The following KIF1B variants were observed in gnomAD, a reference collection of about 807,000 sequenced individuals.
KIF1B encodes the protein kinesin family member 1B, also known as kinesin-like protein KIF1B.
A neutral mutation model predicts 241.9 loss-of-function variants in KIF1B; 76 were observed. The observed-to-expected ratio is 0.31, with a 90% CI of 0.26 to 0.38. The LOEUF (loss-of-function observed/expected upper bound fraction) is 0.38, where lower values mean the gene tolerates loss of function less well. Ranked by LOEUF, KIF1B falls within the 10% of genes least tolerant of loss-of-function variation. The pLI, the probability that KIF1B is intolerant of heterozygous loss-of-function variation, is 1.00. For missense variants in KIF1B, 1,622 were observed against 2,271.4 expected (o/e 0.71, Z 5.81); for synonymous variants, 750 against 796.7 (o/e 0.94, Z 0.99).
chr1:10,367,401 T>G (rs34636442), intron 43 of KIF1B, among the ~76,000 whole-genome samples: 54,249 of 151,608 alleles, frequency 0.36, 9,843 homozygotes, highest in Admixed American at 0.39. Context: ...CAGATAAAAG[T>G]TTTTTAAAGA....
chr1:10,243,385 C>G (rs1185538010), intron 2 of KIF1B, among the ~76,000 whole-genome samples: 1 of 152,218 alleles, frequency 6.6e-6, no homozygotes, highest in Non-Finnish European at 1.5e-5. Context: ...TGCCACTGCA[C>G]TCCAGCCTGG....
At chr1:10,305,236 A>G (rs186304832) in intron 22 of KIF1B, 45 of 1,043,758 alleles carry the variant, frequency 4.3e-5, no homozygotes, top group South Asian at 3.7e-4. Flanking sequence ...TGCATCTTCC[A>G]CACAACTTCC....
At chr1:10,351,627 A>T (rs936452511) in intron 37 of KIF1B, among the ~76,000 whole-genome samples, 1 of 152,164 alleles carries the variant, frequency 6.6e-6, no homozygotes, top group Non-Finnish European at 1.5e-5. Context: ...CGCTAGTGTT[A>T]ACTTGAAAAC....
At chr1:10,369,494 A>C (rs1004200398) in intron 44 of KIF1B, among the ~76,000 whole-genome samples, 24 of 152,310 alleles carry the variant, frequency 1.6e-4, no homozygotes, top group African/African-American at 5.5e-4. Context: ...AAATTAGCCA[A>C]ATGTGGTGGT....
In KIF1B at chr1:10,336,702, G is replaced by T. The variant is rs1412464581; in HGVS notation, c.3089G>T (p.Gly1030Val). 6.2e-7 allele frequency: 1 copy of T among 1,613,916 alleles called. No homozygotes were observed. Among genetic ancestry groups the T allele is most frequent in the African/African-American group, 1.3e-5 (1 of 74,880 alleles). The stretch of plus-strand genomic sequence containing the variant: ...TATGGCTCTGGAATTCGACAGTCAG[G>T]AACAGCTAAAATATCTTTTGATAAT... ...PDYGSGIRQS[G>V]TAKISFDNEY... Residue 1030 changes from glycine (G) to valine (V), a missense_variant, in exon 29 of 49, where the codon GGA becomes GTA. Around this residue, in one of 7 missense-constraint regions of KIF1B, gnomAD observed 803 missense variants for 1,112.0 expected, o/e 0.72. Coordinates refer to ENST00000676179, the MANE Select transcript of KIF1B (RefSeq NM_001365951.3).
intron 14 of KIF1B, among the ~76,000 whole-genome samples, chr1:10,279,846 G>A (rs760251104): frequency 2.4e-4 from 36 of 151,762 alleles, no homozygotes; most frequent in Admixed American, 8.5e-4. Flanking sequence ...ACAGTTGTTC[G>A]CTGCCACACC....
intron 2 of KIF1B, among the ~76,000 whole-genome samples, chr1:10,251,631 G>C (rs182161766): frequency 1.3e-5 from 2 of 151,900 alleles, no homozygotes; most frequent in African/African-American, 4.8e-5. Flanking sequence ...ATACGTGGCA[G>C]GCTGAGGCAG....
chr1:10,370,833 C>T (rs183486504), intron 44 of KIF1B, among the ~76,000 whole-genome samples: 1 of 151,842 alleles, frequency 6.6e-6, no homozygotes, highest in East Asian at 1.9e-4. Flanking sequence ...TGGTGGTACA[C>T]GCTTGTAGTC....
chr1:10,234,738 G>T (rs1156438965), intron 2 of KIF1B, among the ~76,000 whole-genome samples: 1 of 151,354 alleles, frequency 6.6e-6, no homozygotes, highest in Non-Finnish European at 1.5e-5. Flanking sequence ...TGTGTAGGCT[G>T]GTCTTGTATT....
In KIF1B at chr1:10,264,907, C is replaced by T. The variant is rs1477048834; in HGVS notation, c.430-2473C>T. ...CGAACTCCTGACCTCATGATCCACC[C>T]GCCTTGGCCTCCCAAAGGGCTGGGA... On this transcript the variant is annotated intron_variant, in intron 5 of 48. Transcript: ENST00000676179. 4.6e-5 allele frequency among the ~76,000 whole-genome samples: 7 copies of T among 152,296 alleles called. No individual in the cohort carries two copies. In the East Asian group the frequency reaches 9.6e-4, roughly 21 times the overall value.
intron 7 of KIF1B, among the ~76,000 whole-genome samples, chr1:10,270,695 C>T (rs1339075458): frequency 2.0e-5 from 3 of 151,924 alleles, no homozygotes; most frequent in South Asian, 2.1e-4. Flanking sequence ...GAGGCTGAGG[C>T]GGGTGGATCA....
At chr1:10,316,387 A>C (rs1426205462) in intron 22 of KIF1B, among the ~76,000 whole-genome samples, 1 of 151,640 alleles carries the variant, frequency 6.6e-6, no homozygotes, top group Non-Finnish European at 1.5e-5. Context: ...CTGCATTGTA[A>C]ATATATCATT....
chr1:10,339,656 A>G, intron 31 of KIF1B, 113 bp from the exon 32 acceptor site: 2 of 854,688 alleles, frequency 2.3e-6, no homozygotes, highest in Non-Finnish European at 3.8e-6. Context: ...AACTTAAAGA[A>G]TCTGCTTAAG....
intron 15 of KIF1B, among the ~76,000 whole-genome samples, chr1:10,284,183 G>C (rs1197471920): frequency 6.6e-6 from 1 of 152,054 alleles, no homozygotes; most frequent in Admixed American, 6.5e-5. Context: ...AGGCTGCAGT[G>C]AGCTGTGATT....
Position 10,345,923 on chromosome 1 carries a change from T to G in KIF1B, c.3767T>G (p.Phe1256Cys), listed in dbSNP as rs569181217. 2 of 1,613,746 alleles carry G rather than the reference T, an allele frequency of 1.2e-6. No homozygotes were observed. The highest frequency in any genetic ancestry group is 1.7e-5 in the Admixed American group (1 of 60,028). ...SMSKYDLLVW[F>C]EISELEPTGE... ...AGCAAGTATGACCTCCTGGTTTGGT[T>G]TGAGATCAGTGAACTGGAGCCTACA... Residue 1256 changes from phenylalanine (F) to cysteine (C), a missense_variant, in exon 35 of 49, where the codon TTT becomes TGT. By Grantham distance (205) the Phe-to-Cys change is radical. Coordinates refer to ENST00000676179, the MANE Select transcript of KIF1B (RefSeq NM_001365951.3).
Position 10,342,044 on chromosome 1 carries a change from C to G in KIF1B, c.3514-6C>G. ...GTAATCTTTTCCTAATCTTGCTTGG[C>G]TTTAGATTGCAGTGGAGATCACTGA... On this transcript the variant is annotated splice_region_variant and splice_polypyrimidine_tract_variant and intron_variant, in intron 32 of 48. Coordinates refer to ENST00000676179, the MANE Select transcript of KIF1B (RefSeq NM_001365951.3). The G allele has an allele frequency of 6.5e-7, 1 of 1,545,124 alleles. No homozygotes were observed. Among genetic ancestry groups the G allele is most frequent in the Admixed American group, 1.7e-5 (1 of 59,874 alleles).
At chr1:10,323,809 G>A (rs959893054) in intron 24 of KIF1B, 75 bp from the exon 25 acceptor site, 1 of 1,213,662 alleles carries the variant, frequency 8.2e-7, no homozygotes, top group Non-Finnish European at 1.2e-6. Context: ...TTCCCATTGG[G>A]TATGATTGTA....
rs1557722224 is a variant in KIF1B at position 10,336,727 on chromosome 1, T to C, written c.3114T>C (p.Asn1038=). The change falls in exon 29 of 49, where the codon AAT becomes AAC. Residue 1038 remains asparagine (N), a synonymous_variant. Transcript: ENST00000676179. The part of the protein sequence containing the change: ...QSGTAKISFD[N]EYFNQSDFSS... ...GAACAGCTAAAATATCTTTTGATAA[T>C]GAATACTTTAATCAGGTGAGAAACC... The C allele has an allele frequency of 1.2e-6, 2 of 1,612,802 alleles. No individual in the cohort carries two copies. Among genetic ancestry groups the C allele is most frequent in the East Asian group, 2.2e-5 (1 of 44,872 alleles).
intron 35 of KIF1B, among the ~76,000 whole-genome samples, chr1:10,347,301 A>G (rs1407740063): frequency 6.6e-6 from 1 of 152,214 alleles, no homozygotes. Context: ...TAAGTGTGGT[A>G]TGTAGTTGTT....
Sources: allele counts gnomAD v4.1 joint callset (sites outside exome capture counted in the v4.1 genomes callset), GRCh38; gene constraint gnomAD v4.1.1; regional missense constraint gnomAD v4.1.1; transcripts MANE v1.5; gene names NCBI Gene and HGNC (gene_info 2026-07-23, HGNC 2026-07-21).